Variants in CADM2 observed in about 807,000 individuals in gnomAD.
CADM2 encodes cell adhesion molecule 2.
A neutral mutation model predicts 49.8 loss-of-function variants in CADM2; 12 were observed. That is an observed-to-expected ratio of 0.24 (90% CI 0.15 to 0.39). The LOEUF (loss-of-function observed/expected upper bound fraction) is 0.39. Among genes scored for constraint, CADM2 ranks in the 10% least tolerant of loss-of-function variants. CADM2 has a pLI of 1.00. For synonymous variants in CADM2, 214 were observed against 175.4 expected, an observed-to-expected ratio of 1.22 and a Z score of -1.74; for missense variants, 378 against 492.3, an observed-to-expected ratio of 0.77 and a Z score of 2.20.
At chr3:85,278,919 C>A (rs926100302) in intron 1 of CADM2, among the ~76,000 whole-genome samples, 2 of 151,188 alleles carry the variant, frequency 1.3e-5, no homozygotes, top group Admixed American at 1.3e-4. Flanking sequence ...CAATGTAAAA[C>A]CATACTGATC....
chr3:85,362,980 C>A (rs2032465717), intron 1 of CADM2, among the ~76,000 whole-genome samples: 1 of 152,088 alleles, frequency 6.6e-6, no homozygotes, highest in Admixed American at 6.5e-5. Context: ...TTCTGCAAAT[C>A]ACTTGTGCTG....
intron 1 of CADM2, among the ~76,000 whole-genome samples, chr3:85,690,306 G>T (rs1213404703): frequency 6.7e-6 from 1 of 149,300 alleles, no homozygotes; most frequent in East Asian, 2.0e-4. Flanking sequence ...CTGAAGAGAG[G>T]TACATTTAAT....
At chr3:85,795,329 G>A (rs1343708392) in intron 2 of CADM2, among the ~76,000 whole-genome samples, 1 of 152,126 alleles carries the variant, frequency 6.6e-6, no homozygotes, top group African/African-American at 2.4e-5. Flanking sequence ...GCAATTCATA[G>A]CTTTGAGACT....
At chr3:85,751,158 G>A (rs1191834857) in intron 2 of CADM2, among the ~76,000 whole-genome samples, 1 of 152,022 alleles carries the variant, frequency 6.6e-6, no homozygotes, top group African/African-American at 2.4e-5. Flanking sequence ...CTGGGTAGGG[G>A]CAATGGTGGT....
chr3:85,763,199 A>G (rs2069479995), intron 2 of CADM2, among the ~76,000 whole-genome samples: 1 of 152,178 alleles, frequency 6.6e-6, no homozygotes, highest in South Asian at 2.1e-4. Context: ...CTGGATCCAG[A>G]AGCAGGAGCC....
At chr3:85,378,754 A>G (rs549473105) in intron 1 of CADM2, among the ~76,000 whole-genome samples, 4 of 152,074 alleles carry the variant, frequency 2.6e-5, no homozygotes, top group African/African-American at 9.6e-5. Context: ...GAGGGATAAA[A>G]GACTACATAT....
intron 2 of CADM2, among the ~76,000 whole-genome samples, chr3:85,745,478 TA>T (rs199926188): frequency 1.3e-5 from 2 of 150,026 alleles, no homozygotes; most frequent in East Asian, 2.0e-4. Flanking sequence ...ATGGAGAAAA[TA>T]AAAAAAACAG....
chr3:85,930,268 C>T (rs1156825732), intron 6 of CADM2, among the ~76,000 whole-genome samples: 1 of 151,980 alleles, frequency 6.6e-6, no homozygotes, highest in Non-Finnish European at 1.5e-5. Context: ...TTATTTGTAA[C>T]AGAGAGTGTG....
chr3:85,950,257 AG>A (rs1278775813), intron 7 of CADM2, among the ~76,000 whole-genome samples: 2 of 151,222 alleles, frequency 1.3e-5, no homozygotes, highest in African/African-American at 4.8e-5. Flanking sequence ...TGTTTACCAA[AG>A]AAAAGAAATT....
intron 1 of CADM2, among the ~76,000 whole-genome samples, chr3:85,371,376 T>G (rs969484931): frequency 1.4e-4 from 22 of 152,014 alleles, no homozygotes; most frequent in Admixed American, 4.6e-4. Context: ...TATGTTTACA[T>G]ATGTTTAGAT....
intron 1 of CADM2, among the ~76,000 whole-genome samples, chr3:85,495,930 T>C (rs1236866236): frequency 3.3e-5 from 5 of 152,116 alleles, no homozygotes; most frequent in Non-Finnish European, 1.5e-5. Context: ...CTGGAACAAG[T>C]ATCCAAACCA....
chr3:86,009,389 G>GT (rs879763116), intron 8 of CADM2, among the ~76,000 whole-genome samples: 54 of 151,410 alleles, frequency 3.6e-4, no homozygotes, highest in Non-Finnish European at 6.9e-4. Flanking sequence ...AGGAAAATCT[G>GT]TTTGGAAGGC....
rs1168611694 is a variant in CADM2 at position 86,069,795 on chromosome 3, C to T, written c.*3012C>T. 6.6e-6 allele frequency: 1 copy of T among 152,010 alleles called. No individual in the cohort carries two copies. The highest frequency in any genetic ancestry group is 1.9e-4 in the East Asian group (1 of 5,190). 9.4% of individuals were successfully genotyped at this position (152,010 alleles called of 1,614,324 possible). ...CTGTTTACAGTGTAAATTGATTGTC[C>T]TCCGTCAAAATCAAGTCTAAGCGGC... On this transcript the variant is annotated 3_prime_UTR_variant, in exon 10 of 10. Coordinates refer to ENST00000383699, the MANE Select transcript of CADM2 (RefSeq NM_001167675.2).
chr3:85,678,357 G>A (rs2065943105), intron 1 of CADM2, among the ~76,000 whole-genome samples: 2 of 152,152 alleles, frequency 1.3e-5, no homozygotes, highest in Admixed American at 6.6e-5. Context: ...TGTCTAAGAT[G>A]GTTGGCTAGT....
chr3:84,992,719 A>T (rs1055571805), intron 1 of CADM2, among the ~76,000 whole-genome samples: 7 of 152,202 alleles, frequency 4.6e-5, no homozygotes, highest in African/African-American at 1.7e-4. Flanking sequence ...CTCAAATCGT[A>T]TTATAAAGAG....
At chr3:85,790,362 A>G (rs1223546900) in intron 2 of CADM2, among the ~76,000 whole-genome samples, 2 of 152,230 alleles carry the variant, frequency 1.3e-5, no homozygotes, top group Non-Finnish European at 2.9e-5. Context: ...TATCTGGGTC[A>G]CCTACTCACA....
At chr3:85,364,185 TA>T (rs2032571794) in intron 1 of CADM2, among the ~76,000 whole-genome samples, 1 of 152,186 alleles carries the variant, frequency 6.6e-6, no homozygotes, top group Non-Finnish European at 1.5e-5. Flanking sequence ...GTTTTATGGC[TA>T]AATGAATGGT....
chr3:85,665,144 G>A (rs373769773), intron 1 of CADM2, among the ~76,000 whole-genome samples: 1 of 151,862 alleles, frequency 6.6e-6, no homozygotes, highest in Non-Finnish European at 1.5e-5. Context: ...TTAATTACAA[G>A]CATTTTCAAT....
intron 1 of CADM2, among the ~76,000 whole-genome samples, chr3:85,090,411 G>T (rs1328092676): frequency 6.6e-6 from 1 of 152,110 alleles, no homozygotes; most frequent in African/African-American, 2.4e-5. Context: ...ACGTTTTTGT[G>T]TCTTGTTTTG....
Sources: allele counts gnomAD v4.1 joint callset (sites outside exome capture counted in the v4.1 genomes callset), GRCh38; gene constraint gnomAD v4.1.1; transcripts MANE v1.5; gene names NCBI Gene and HGNC (gene_info 2026-07-23, HGNC 2026-07-21).